SYNJ2BP: variants seen among roughly 807,000 people sequenced by gnomAD.
SYNJ2BP encodes the protein synaptojanin 2 binding protein, also known as synaptojanin-2-binding protein.
SYNJ2BP carries 10 observed loss-of-function variants against 16.9 expected under a neutral mutation model. The observed-to-expected ratio is 0.59, with a 90% CI of 0.36 to 1.00. The LOEUF (loss-of-function observed/expected upper bound fraction) is 1.00. SYNJ2BP is among the 50% of genes least tolerant of loss of function. The pLI, the probability that SYNJ2BP is intolerant of heterozygous loss-of-function variation, is 0.01. For synonymous variants in SYNJ2BP, 54 were observed against 68.4 expected, an observed-to-expected ratio of 0.79 and a Z score of 1.04; for missense variants, 162 against 186.7, an observed-to-expected ratio of 0.87 and a Z score of 0.77.
intron 1 of SYNJ2BP, among the ~76,000 whole-genome samples, chr14:70,410,578 AGCAC>A (rs1888450762): frequency 2.0e-5 from 3 of 152,182 alleles, no homozygotes; most frequent in Non-Finnish European, 4.4e-5. Context: ...TGTTCACTGC[AGCAC>A]TATCCATAAC....
intron 1 of SYNJ2BP, among the ~76,000 whole-genome samples, chr14:70,407,777 T>TTAAATTTAATA (rs1222104521): frequency 3.2e-4 from 48 of 152,284 alleles, no homozygotes; most frequent in Non-Finnish European, 5.9e-4. Flanking sequence ...TTGCTATCGC[T>TTAAATTTAATA]TTTCACCCTA....
intron 2 of SYNJ2BP, among the ~76,000 whole-genome samples, chr14:70,383,806 G>GT (rs1321917235): frequency 1.6e-4 from 24 of 152,024 alleles, no homozygotes; most frequent in Non-Finnish European, 5.9e-5. Flanking sequence ...TCCAGCCTTC[G>GT]TAATAGCCAT....
chr14:70,398,303 C>A (rs529726002), intron 1 of SYNJ2BP, among the ~76,000 whole-genome samples: 4 of 152,318 alleles, frequency 2.6e-5, no homozygotes, highest in African/African-American at 9.6e-5. Context: ...CCACCTTGGC[C>A]TGAAGGTGGG....
At chr14:70,377,855 A>G (rs1005553235) in intron 2 of SYNJ2BP, among the ~76,000 whole-genome samples, 3 of 152,298 alleles carry the variant, frequency 2.0e-5, no homozygotes, top group Admixed American at 6.5e-5. Flanking sequence ...CTCTCCTCCC[A>G]TCTTCTTTCC....
intron 2 of SYNJ2BP, among the ~76,000 whole-genome samples, chr14:70,383,710 T>C (rs1318254657): frequency 6.6e-6 from 1 of 152,156 alleles, no homozygotes; most frequent in South Asian, 2.1e-4. Context: ...AAAAATTAAA[T>C]TATTCCAGGT....
rs541357778 is a variant in SYNJ2BP, at chr14:70,408,148, G to T, written c.64+8752C>A. 1.7e-4 allele frequency among the ~76,000 whole-genome samples: 26 copies of T among 151,430 alleles called. 1 individual carries two copies. Among genetic ancestry groups the T allele is most frequent in the Admixed American group, 1.4e-3 (22 of 15,230 alleles). ...GGGGGAAGGACTATTGCAGTAATAG[G>T]GTTTTTTTATAAACTAAGGCATAAA... On this transcript the variant is annotated intron_variant, in intron 1 of 3. Coordinates refer to ENST00000256366, the MANE Select transcript of SYNJ2BP (RefSeq NM_018373.3).
intron 1 of SYNJ2BP, 125 bp from the exon 2 acceptor site, chr14:70,388,731 G>A (rs748170813): frequency 4.9e-5 from 64 of 1,308,728 alleles, no homozygotes; most frequent in Non-Finnish European, 5.9e-5. Context: ...AGATGCTGGC[G>A]AGTCAGCCTG....
intron 1 of SYNJ2BP, among the ~76,000 whole-genome samples, chr14:70,412,915 C>T (rs186280531): frequency 9.9e-5 from 15 of 152,184 alleles, no homozygotes; most frequent in East Asian, 9.7e-4. Context: ...TCTTGTCACA[C>T]TTTTTAGAGT....
In SYNJ2BP at chr14:70,372,552, T is replaced by A. The variant is rs1367011404; in HGVS notation, c.*439A>T. 2 of 161,066 alleles carry A rather than the reference T, an allele frequency of 1.2e-5. No homozygotes were observed. The highest frequency in any genetic ancestry group is 4.8e-5 in the African/African-American group (2 of 41,536). The allele number at this position is 161,066 out of a possible 1,614,324, so 10.0% of individuals were successfully genotyped here. On this transcript the variant is annotated 3_prime_UTR_variant, in exon 4 of 4. Coordinates refer to ENST00000256366, the MANE Select transcript of SYNJ2BP (RefSeq NM_018373.3). ...CTCTTTGTCGATATAGGCACCCAGG[T>A]ACGTAGTTAGAAATTAAATAAAGGC...
At chr14:70,384,038 A>C (rs571545159) in intron 2 of SYNJ2BP, among the ~76,000 whole-genome samples, 60 of 152,034 alleles carry the variant, frequency 3.9e-4, no homozygotes, top group African/African-American at 1.4e-3. Flanking sequence ...GCTCACTGCA[A>C]GCTCTGCCTC....
chr14:70,388,349 T>G, intron 2 of SYNJ2BP, 121 bp downstream of exon 2: 1 of 1,329,310 alleles, frequency 7.5e-7, no homozygotes, highest in Non-Finnish European at 9.6e-7. Flanking sequence ...GTTGTTCCCA[T>G]TCAACTCTAC....
rs1245151498 is a variant in SYNJ2BP, at chr14:70,369,046, C to CA, written c.*3944dup. ...AACACAGATTGTGAGATGCCACGCT[C>CA]AGAGTTTTTGATTCACTAGGTCTGG... On this transcript the variant is annotated 3_prime_UTR_variant, in exon 4 of 4. Transcript: ENST00000256366. The CA allele has an allele frequency of 6.6e-6, 1 of 152,194 alleles. No individual in the cohort carries two copies. 9.4% of individuals were successfully genotyped at this position (152,194 alleles called of 1,614,324 possible).
chr14:70,387,295 C>T (rs1007254238), intron 2 of SYNJ2BP, among the ~76,000 whole-genome samples: 3 of 152,184 alleles, frequency 2.0e-5, no homozygotes, highest in Admixed American at 6.5e-5. Flanking sequence ...TCCCTTATCC[C>T]CCAGCAAACT....
intron 1 of SYNJ2BP, among the ~76,000 whole-genome samples, chr14:70,415,413 T>C (rs2139457585): frequency 6.6e-6 from 1 of 151,366 alleles, no homozygotes; most frequent in Non-Finnish European, 1.5e-5. Context: ...TAGCCGGGCG[T>C]GGCAGTGCAC....
chr14:70,374,173 A>G (rs762317892), intron 3 of SYNJ2BP, among the ~76,000 whole-genome samples: 20 of 152,218 alleles, frequency 1.3e-4, no homozygotes, highest in Admixed American at 1.3e-4. Flanking sequence ...TACCTTCCAA[A>G]AGAATTGTAA....
intron 1 of SYNJ2BP, among the ~76,000 whole-genome samples, chr14:70,398,515 G>C (rs917116513): frequency 3.2e-4 from 48 of 152,220 alleles, no homozygotes; most frequent in African/African-American, 1.1e-3. Context: ...TGTCAGCACT[G>C]CCCTAAGTGT....
chr14:70,401,227 A>C (rs1228353020), intron 1 of SYNJ2BP, among the ~76,000 whole-genome samples: 1 of 152,204 alleles, frequency 6.6e-6, no homozygotes, highest in Admixed American at 6.5e-5. Flanking sequence ...GACCTACTTT[A>C]TAATTGTCTT....
chr14:70,395,832 G>A (rs1281336941), intron 1 of SYNJ2BP, among the ~76,000 whole-genome samples: 1 of 152,000 alleles, frequency 6.6e-6, no homozygotes, highest in Admixed American at 6.5e-5. Flanking sequence ...TATACTTTCT[G>A]TCTATATTAA....
At position 70,381,473 on chromosome 14, in the gene SYNJ2BP, T is replaced by C. The variant is rs1887748979; in HGVS notation, c.202-5702A>G. On this transcript the variant is annotated intron_variant, in intron 2 of 3. Transcript: ENST00000256366. ...TGATTACGACTTTCTCCCTTGACAA[T>C]ATCATTTCTACTCCAAAATTGAATT... Among the ~76,000 whole-genome samples, 3 of 152,328 alleles carry C rather than the reference T, an allele frequency of 2.0e-5. No homozygotes were observed. The South Asian group carries it at 6.2e-4, about 32-fold the overall frequency.
Sources: allele counts gnomAD v4.1 joint callset (sites outside exome capture counted in the v4.1 genomes callset), GRCh38; gene constraint gnomAD v4.1.1; transcripts MANE v1.5; gene names NCBI Gene and HGNC (gene_info 2026-07-23, HGNC 2026-07-21).